Variants in POLD3 observed in about 807,000 individuals in gnomAD.
POLD3 encodes DNA polymerase delta 3, accessory subunit, also known as DNA polymerase delta subunit 3.
Under a neutral mutation model 58.2 loss-of-function variants are expected in POLD3, and 19 were observed. The observed-to-expected ratio is 0.33, with a 90% confidence interval of 0.23 to 0.48. The LOEUF (loss-of-function observed/expected upper bound fraction) is 0.48. POLD3 is among the 20% of genes least tolerant of loss of function. POLD3 has a pLI of 0.99. For missense variants in POLD3, 504 were observed against 545.5 expected, an observed-to-expected ratio of 0.92 and a Z score of 0.76; for synonymous variants, 172 against 193.5, an observed-to-expected ratio of 0.89 and a Z score of 0.92.
intron 4 of POLD3, among the ~76,000 whole-genome samples, chr11:74,612,190 G>T (rs1399983078): frequency 6.6e-6 from 1 of 152,224 alleles, no homozygotes; most frequent in African/African-American, 2.4e-5. Flanking sequence ...CATGGGGGTA[G>T]GGTGGGGGTA....
At chr11:74,660,868 C>A (rs117369925) in intron 4 of POLD3, among the ~76,000 whole-genome samples, 1,890 of 151,740 alleles carry the variant, frequency 0.012, 19 homozygotes, top group Non-Finnish European at 0.022. Context: ...TCAGGTAGTT[C>A]TTTATAGCAA....
In POLD3 at chr11:74,640,819, G is replaced by A; in HGVS notation, c.*53G>A. 1 of 1,455,284 alleles carries A rather than the reference G, an allele frequency of 6.9e-7. No individual in the cohort carries two copies. Among genetic ancestry groups the A allele is most frequent in the South Asian group, 1.6e-5 (1 of 64,252 alleles). 90.1% of individuals were successfully genotyped at this position (1,455,284 alleles called of 1,614,324 possible). ...TGGAGTGGTCAAGGGAGAAGACCAA[G>A]AAATGTACTCCTCACTTACTATGTA... On this transcript the variant is annotated 3_prime_UTR_variant, in exon 12 of 12. Transcript: ENST00000263681.
At position 74,636,274 on chromosome 11, in the gene POLD3, A is replaced by G. The variant is rs1188028516; in HGVS notation, c.1197A>G (p.Ile399Met). 6.2e-7 allele frequency: 1 copy of G among 1,612,398 alleles called. No homozygotes were observed. The highest frequency in any genetic ancestry group is 2.2e-5 in the East Asian group (1 of 44,852). The change falls in exon 11 of 12, where the codon ATA becomes ATG. Residue 399 changes from isoleucine (I) to methionine (M), a missense_variant and splice_region_variant. Ile to Met is a conservative substitution (Grantham distance 10, BLOSUM62 1). Transcript: ENST00000263681. ...CTTACCTGGATGGGGAAGGCTGCAT[A>G]GGTAAGACAAATATTTGGCTCCAAA... ...SKTYLDGEGC[I>M]VTEKVYESES...
At chr11:74,661,394 TCTG>T (rs2033204869) in intron 4 of POLD3, among the ~76,000 whole-genome samples, 1 of 152,226 alleles carries the variant, frequency 6.6e-6, no homozygotes, top group Admixed American at 6.5e-5. Context: ...AATGTTGTAA[TCTG>T]AGCTGTACTG....
intron 11 of POLD3, 117 bp downstream of exon 11, chr11:74,636,392 C>T: frequency 1.1e-6 from 1 of 879,298 alleles, no homozygotes; most frequent in Non-Finnish European, 1.8e-6. Flanking sequence ...GAATCATGCC[C>T]AAGTGGTACT....
At chr11:74,635,142 G>T (rs186587912) in intron 10 of POLD3, among the ~76,000 whole-genome samples, 15 of 152,248 alleles carry the variant, frequency 9.9e-5, no homozygotes, top group African/African-American at 2.6e-4. Flanking sequence ...AGCTTTGAAC[G>T]CTCTTCAGCT....
chr11:74,669,133 C>T (rs1048400944), downstream of POLD3: 1 of 193,844 alleles, frequency 5.2e-6, no homozygotes, highest in Non-Finnish European at 1.1e-5. Context: ...GGGCAGCTGA[C>T]CTTACTATCA....
chr11:74,622,323 A>G (rs894707341), intron 7 of POLD3, among the ~76,000 whole-genome samples: 2 of 152,156 alleles, frequency 1.3e-5, no homozygotes, highest in African/African-American at 2.4e-5. Flanking sequence ...TAGTGCCACA[A>G]TAAACATACG....
chr11:74,653,194 A>G (rs991713175), intron 4 of POLD3, among the ~76,000 whole-genome samples: 2 of 152,256 alleles, frequency 1.3e-5, no homozygotes, highest in African/African-American at 4.8e-5. Flanking sequence ...CAAAAACCAC[A>G]GTAACTTTTG....
intron 7 of POLD3, among the ~76,000 whole-genome samples, chr11:74,625,121 A>C (rs111554061): frequency 2.6e-5 from 4 of 152,336 alleles, no homozygotes; most frequent in African/African-American, 9.6e-5. Context: ...CCTCATCTGA[A>C]AATGAGAAGG....
rs41563417 is a variant in POLD3, at chr11:74,634,703, T to C, written c.1119+8T>C. 2.0e-6 allele frequency: 3 copies of C among 1,470,312 alleles called. No homozygotes were observed. The highest frequency in any genetic ancestry group is 2.9e-6 in the Non-Finnish European group (3 of 1,049,032). 91.1% of individuals were successfully genotyped at this position (1,470,312 alleles called of 1,614,324 possible). A position where few individuals can be genotyped will look rare whatever the true frequency, so the allele number is the denominator to read the frequency against. ...GAACCTCCTTCTGTCAAGGTAAAATTATACTGGGATTCTTGCATGTCCATG... is the reference window on the plus strand; with the variant it reads ...GAACCTCCTTCTGTCAAGGTAAAATCATACTGGGATTCTTGCATGTCCATG... On this transcript the variant is annotated splice_region_variant and intron_variant, in intron 10 of 11. Transcript: ENST00000263681.
chr11:74,618,558 A>G lies in POLD3; in HGVS notation c.414A>G (p.Ala138=), dbSNP rs769689485. Residue 138 remains alanine (A), a synonymous_variant, in exon 6 of 12, where the codon GCA becomes GCG. Coordinates refer to ENST00000263681, the MANE Select transcript of POLD3 (RefSeq NM_006591.3). ...NCSKFSAIQC[A]AAVPRAPAES... The stretch of plus-strand genomic sequence containing the variant: ...CCAGATTTAGTGCTATACAATGTGC[A>G]GCTGCCGTCCCTAGAGCTCCTGCTG... The G allele has an allele frequency of 6.2e-7, 1 of 1,613,544 alleles. No individual in the cohort carries two copies. The highest frequency in any genetic ancestry group is 2.2e-5 in the East Asian group (1 of 44,882).
At chr11:74,616,668 GA>G (rs2032089722) in intron 5 of POLD3, among the ~76,000 whole-genome samples, 9 of 152,338 alleles carry the variant, frequency 5.9e-5, no homozygotes, top group African/African-American at 1.9e-4. Flanking sequence ...TGTAAATACA[GA>G]GTTTTCTGAT....
In POLD3 at chr11:74,640,601, T is replaced by G. The variant is rs1458594553; in HGVS notation, c.1236T>G (p.Asp412Glu). Reference protein sequence around the residue: ...EKVYESESCTDSEEELNMKTS... With the variant: ...EKVYESESCTESEEELNMKTS... ...TCTACGAGAGTGAATCCTGCACAGA[T>G]AGTGAAGAGGAGCTTAACATGAAGA... The change falls in exon 12 of 12, where the codon GAT becomes GAG. Residue 412 changes from aspartate to glutamate, a missense_variant. Physicochemically the swap from Asp to Glu is conservative, Grantham distance 45. Coordinates refer to ENST00000263681, the MANE Select transcript of POLD3 (RefSeq NM_006591.3). 3.7e-6 allele frequency: 6 copies of G among 1,600,570 alleles called. No homozygotes were observed. The highest frequency in any genetic ancestry group is 1.7e-5 in the Admixed American group (1 of 57,436).
chr11:74,644,398 A>G (rs1221760870), downstream of POLD3, among the ~76,000 whole-genome samples: 1 of 152,138 alleles, frequency 6.6e-6, no homozygotes, highest in African/African-American at 2.4e-5. Flanking sequence ...AGAAGGCAGT[A>G]TTGCTTTCTG....
Position 74,641,605 on chromosome 11 carries a change from A to C in POLD3, c.*839A>C. 1.0e-6 allele frequency: 1 copy of C among 985,326 alleles called. No homozygotes were observed. Among genetic ancestry groups the C allele is most frequent in the Non-Finnish European group, 1.2e-6 (1 of 829,896 alleles). 61.0% of individuals were successfully genotyped at this position (985,326 alleles called of 1,614,324 possible). A position where few individuals can be genotyped will look rare whatever the true frequency, so the allele number is the denominator to read the frequency against. On this transcript the variant is annotated 3_prime_UTR_variant, in exon 12 of 12. Transcript: ENST00000263681. Reference sequence around the variant, plus strand: ...GTTGATCCCCTCCTCCCCCACTCTCAATACCTAGAGAGTGAAACCCGTACA... The same window carrying C: ...GTTGATCCCCTCCTCCCCCACTCTCCATACCTAGAGAGTGAAACCCGTACA...
chr11:74,630,575 A>G (rs550571522), intron 9 of POLD3, among the ~76,000 whole-genome samples: 3 of 152,200 alleles, frequency 2.0e-5, no homozygotes, highest in African/African-American at 4.8e-5. Context: ...TGAGCATCCC[A>G]GAGAGGCAAA....
At chr11:74,631,631 C>G (rs2032594188) in intron 9 of POLD3, among the ~76,000 whole-genome samples, 1 of 151,758 alleles carries the variant, frequency 6.6e-6, no homozygotes, top group Non-Finnish European at 1.5e-5. Flanking sequence ...TTACAGGTGC[C>G]TACTACCACG....
At chr11:74,606,354 G>A (rs924784708) in intron 3 of POLD3, among the ~76,000 whole-genome samples, 1 of 152,172 alleles carries the variant, frequency 6.6e-6, no homozygotes, top group South Asian at 2.1e-4. Context: ...ATGGCTGATT[G>A]TCATATTTTC....
Sources: gnomAD v4.1 joint callset for allele counts (sites outside exome capture counted in the v4.1 genomes callset) on GRCh38, gnomAD v4.1.1 for gene constraint, MANE v1.5 for transcripts, NCBI Gene and HGNC (gene_info 2026-07-23, HGNC 2026-07-21) for gene names.